Variants in NRF1 observed in about 807,000 individuals in gnomAD.
NRF1 encodes the protein nuclear respiratory factor 1, also known as alpha palindromic-binding protein.
A neutral mutation model predicts 58.5 loss-of-function variants in NRF1; 5 were observed. That is an observed-to-expected ratio of 0.09 (90% CI 0.04 to 0.18). The LOEUF (loss-of-function observed/expected upper bound fraction) is 0.18. NRF1 is among the 10% of genes least tolerant of loss of function. The pLI is 1.00. For synonymous variants in NRF1, 224 were observed against 246.7 expected, an observed-to-expected ratio of 0.91 and a Z score of 0.86; for missense variants, 288 against 657.7, an observed-to-expected ratio of 0.44 and a Z score of 6.15.
At chr7:129,749,297 T>C (rs1804055876) in intron 10 of NRF1, among the ~76,000 whole-genome samples, 1 of 152,072 alleles carries the variant, frequency 6.6e-6, no homozygotes, top group Admixed American at 6.6e-5. Flanking sequence ...GCTGGTGCAT[T>C]GGATGTGTGA....
chr7:129,738,129 G>A (rs899295631), intron 10 of NRF1, among the ~76,000 whole-genome samples: 2 of 152,202 alleles, frequency 1.3e-5, no homozygotes, highest in Admixed American at 6.5e-5. Flanking sequence ...CTGAGGCATC[G>A]CCTGTTCTGT....
intron 2 of NRF1, among the ~76,000 whole-genome samples, chr7:129,659,369 G>A (rs1206708143): frequency 3.3e-5 from 5 of 152,074 alleles, no homozygotes; most frequent in East Asian, 1.9e-4. Context: ...GTGAGCCACC[G>A]CATCCAGCGA....
At position 129,722,152 on chromosome 7, in the gene NRF1, T is replaced by C. The variant is rs532162795; in HGVS notation, c.1223+4776T>C. Among the ~76,000 whole-genome samples the C allele has an allele frequency of 6.2e-4, 95 of 152,210 alleles. 1 individual carries two copies. Among genetic ancestry groups the C allele is most frequent in the Non-Finnish European group, 7.4e-4 (50 of 68,000 alleles). The stretch of plus-strand genomic sequence containing the variant: ...GCTCACGCCTGTAATCCCAGCACTT[T>C]GGGAAGCCGAGGTGGGTGAATCACC... On this transcript the variant is annotated intron_variant, in intron 9 of 10. Coordinates refer to ENST00000393232, the MANE Select transcript of NRF1 (RefSeq NM_005011.5).
intron 8 of NRF1, among the ~76,000 whole-genome samples, chr7:129,712,205 T>A (rs1468336690): frequency 6.6e-6 from 1 of 152,066 alleles, no homozygotes; most frequent in South Asian, 2.1e-4. Flanking sequence ...TTGCCCAAAG[T>A]CCCATAGCAG....
At chr7:129,723,196 C>A (rs1403003274) in intron 9 of NRF1, among the ~76,000 whole-genome samples, 5 of 152,008 alleles carry the variant, frequency 3.3e-5, no homozygotes, top group Non-Finnish European at 7.4e-5. Flanking sequence ...GTAATCCCAG[C>A]ACTTTGGGAG....
chr7:129,688,616 A>G (rs1315835080), intron 4 of NRF1, among the ~76,000 whole-genome samples: 1 of 152,158 alleles, frequency 6.6e-6, no homozygotes, highest in East Asian at 1.9e-4. Context: ...CCACATGGCT[A>G]GGGAGGCTTC....
chr7:129,749,854 ACTTTT>A (rs958623733), intron 10 of NRF1, among the ~76,000 whole-genome samples: 3 of 151,782 alleles, frequency 2.0e-5, no homozygotes, highest in Non-Finnish European at 4.4e-5. Flanking sequence ...TTTTATGTTT[ACTTTT>A]GAGTTCAAAT....
intron 1 of NRF1, among the ~76,000 whole-genome samples, chr7:129,648,113 C>G (rs1801450910): frequency 6.6e-6 from 1 of 152,118 alleles, no homozygotes; most frequent in Non-Finnish European, 1.5e-5. Flanking sequence ...TCTTTTGCCA[C>G]TCTTTCCCCA....
At chr7:129,752,293 G>GTCTA (rs1177893646) in intron 10 of NRF1, among the ~76,000 whole-genome samples, 4 of 151,270 alleles carry the variant, frequency 2.6e-5, no homozygotes, top group Non-Finnish European at 4.4e-5. Context: ...TGGGGGATAA[G>GTCTA]TCTATCTCAT....
chr7:129,619,433 T>TACACACACACACACAC (rs754223551), intron 1 of NRF1, among the ~76,000 whole-genome samples: 5 of 65,866 alleles, frequency 7.6e-5, no homozygotes, highest in African/African-American at 3.3e-4. Context: ...TATATATATA[T>TACACACACACACACAC]ACACACACAC....
chr7:129,707,181 A>G (rs1354509060), intron 5 of NRF1, among the ~76,000 whole-genome samples: 1 of 151,972 alleles, frequency 6.6e-6, no homozygotes, highest in Non-Finnish European at 1.5e-5. Context: ...TTTGGTAGAG[A>G]CAGAGTCCCA....
At chr7:129,725,105 A>G (rs1240446881) in intron 9 of NRF1, among the ~76,000 whole-genome samples, 3 of 152,160 alleles carry the variant, frequency 2.0e-5, no homozygotes, top group African/African-American at 7.2e-5. Context: ...GGTGGTTGCC[A>G]GGGGCTAGGG....
chr7:129,673,462 G>C (rs951134439), intron 3 of NRF1, among the ~76,000 whole-genome samples: 2 of 152,166 alleles, frequency 1.3e-5, no homozygotes, highest in African/African-American at 4.8e-5. Context: ...GGGCGCGGTG[G>C]CTCACGCCTG....
rs369317824 is a variant in NRF1 at position 129,656,649 on chromosome 7, A to G, written c.-6-697A>G. On this transcript the variant is annotated intron_variant, in intron 1 of 10. Transcript: ENST00000393232. The stretch of plus-strand genomic sequence containing the variant: ...GAGTACAATGGCACAACCTTGGCTC[A>G]CTGCAACCTCTGCCTCCCGAGTTCA... 7.9e-5 allele frequency among the ~76,000 whole-genome samples: 12 copies of G among 151,742 alleles called. No individual in the cohort carries two copies. In the East Asian group the frequency reaches 1.9e-3, roughly 24 times the overall value.
chr7:129,699,930 G>A (rs1243784240), intron 5 of NRF1, among the ~76,000 whole-genome samples: 5 of 150,236 alleles, frequency 3.3e-5, no homozygotes, highest in Non-Finnish European at 7.4e-5. Context: ...ACGAGGTCAG[G>A]AGTTTGAGAC....
rs542211248 is a variant in NRF1 at position 129,655,742 on chromosome 7, G to A, written c.-6-1604G>A. Among the ~76,000 whole-genome samples, 5 of 152,192 alleles carry A rather than the reference G, an allele frequency of 3.3e-5. No homozygotes were observed. The South Asian group carries it at 8.3e-4, about 25-fold the overall frequency. On this transcript the variant is annotated intron_variant, in intron 1 of 10. Coordinates refer to ENST00000393232, the MANE Select transcript of NRF1 (RefSeq NM_005011.5). Reference sequence around the variant, plus strand: ...TTTCCATGTTGGCCAGGCTGGTCCCGAACTCCCTACCTCAGGTGATACACC... The same window carrying A: ...TTTCCATGTTGGCCAGGCTGGTCCCAAACTCCCTACCTCAGGTGATACACC...
intron 10 of NRF1, among the ~76,000 whole-genome samples, chr7:129,734,691 G>A (rs1253018052): frequency 6.6e-6 from 1 of 152,220 alleles, no homozygotes; most frequent in Non-Finnish European, 1.5e-5. Flanking sequence ...TTGGCTGGCT[G>A]TCAGCCTTAA....
chr7:129,647,491 C>T (rs1801436640), intron 1 of NRF1, among the ~76,000 whole-genome samples: 1 of 151,376 alleles, frequency 6.6e-6, no homozygotes. Context: ...CAACCTCCGA[C>T]TCCCAGGTTT....
intron 5 of NRF1, among the ~76,000 whole-genome samples, chr7:129,703,122 C>T (rs971375981): frequency 2.6e-5 from 4 of 152,102 alleles, no homozygotes; most frequent in African/African-American, 9.7e-5. Context: ...TTACTTTTCA[C>T]TGACACAGGC....
Sources: allele counts gnomAD v4.1 joint callset (sites outside exome capture counted in the v4.1 genomes callset), GRCh38; gene constraint gnomAD v4.1.1; transcripts MANE v1.5; gene names NCBI Gene and HGNC (gene_info 2026-07-23, HGNC 2026-07-21).